ZBTB7C: variants seen among roughly 807,000 people sequenced by gnomAD.
ZBTB7C encodes zinc finger and BTB domain containing 7C, also known as zinc finger and BTB domain-containing protein 7C.
ZBTB7C carries 8 observed loss-of-function variants against 25.7 expected under a neutral mutation model. That is an observed-to-expected ratio of 0.31 (90% confidence interval 0.18 to 0.56). The LOEUF is 0.56. ZBTB7C is among the 20% of genes least tolerant of loss of function. ZBTB7C has a pLI of 0.91. For missense variants in ZBTB7C, 824 were observed against 855.2 expected (o/e 0.96, Z 0.46); for synonymous variants, 394 against 369.0 (o/e 1.07, Z -0.78).
At chr18:48,076,748 T>C (rs370300843) in intron 3 of ZBTB7C, among the ~76,000 whole-genome samples, 70 of 152,304 alleles carry the variant, frequency 4.6e-4, no homozygotes, top group African/African-American at 1.7e-3. Flanking sequence ...ACAGCTATTA[T>C]GAGGGCTCCA....
At chr18:48,105,900 A>C (rs1165695483) in intron 3 of ZBTB7C, among the ~76,000 whole-genome samples, 1 of 152,268 alleles carries the variant, frequency 6.6e-6, no homozygotes, top group East Asian at 1.9e-4. Context: ...CCAAATGCTA[A>C]TTTAAAAAGG....
At chr18:48,270,295 G>T (rs561932501) in intron 2 of ZBTB7C, among the ~76,000 whole-genome samples, 1 of 112,778 alleles carries the variant, frequency 8.9e-6, no homozygotes, top group African/African-American at 3.5e-5. Flanking sequence ...GTCTCGCTCT[G>T]TTGCCAGGCT....
chr18:48,270,808 G>A (rs2044463583), intron 2 of ZBTB7C, among the ~76,000 whole-genome samples: 1 of 151,752 alleles, frequency 6.6e-6, no homozygotes, highest in African/African-American at 2.4e-5. Flanking sequence ...CCAAAGTGCT[G>A]CGATTACTGG....
chr18:48,145,023 G>A (rs2040458126), intron 3 of ZBTB7C, among the ~76,000 whole-genome samples: 1 of 152,102 alleles, frequency 6.6e-6, no homozygotes, highest in Non-Finnish European at 1.5e-5. Context: ...TCTTTGGGGA[G>A]GCCTCTGCTC....
chr18:48,050,150 G>C (rs2036626355), intron 3 of ZBTB7C, among the ~76,000 whole-genome samples: 2 of 152,204 alleles, frequency 1.3e-5, no homozygotes, highest in South Asian at 4.1e-4. Flanking sequence ...TGTAGGCACT[G>C]AAATCCACAA....
At chr18:48,187,251 TGTACATCCACGTTCATCAGC>T (rs1309132004) in intron 2 of ZBTB7C, among the ~76,000 whole-genome samples, 6 of 152,236 alleles carry the variant, frequency 3.9e-5, no homozygotes. Context: ...GGCAGATATC[TGTACATCCACGTTCATCAGC>T]ATTGTTCACA....
intron 2 of ZBTB7C, among the ~76,000 whole-genome samples, chr18:48,189,646 G>A (rs960402876): frequency 5.3e-5 from 8 of 152,074 alleles, no homozygotes; most frequent in African/African-American, 1.4e-4. Flanking sequence ...GGTGCCCCTC[G>A]CCTTGGATAG....
intron 2 of ZBTB7C, among the ~76,000 whole-genome samples, chr18:48,192,806 C>T (rs527790921): frequency 3.3e-5 from 5 of 152,082 alleles, no homozygotes; most frequent in Non-Finnish European, 7.3e-5. Context: ...ATTGTGTCAT[C>T]GATTATAACA....
intron 2 of ZBTB7C, among the ~76,000 whole-genome samples, chr18:48,249,720 T>C (rs935134932): frequency 6.6e-6 from 1 of 152,234 alleles, no homozygotes; most frequent in Non-Finnish European, 1.5e-5. Flanking sequence ...CCTGAAGTAA[T>C]ACTGCACCAA....
At chr18:48,328,286 T>C (rs528075439) in intron 2 of ZBTB7C, among the ~76,000 whole-genome samples, 58 of 152,142 alleles carry the variant, frequency 3.8e-4, no homozygotes, top group African/African-American at 1.3e-3. Context: ...TCCAGATCCA[T>C]GGTAACAGTA....
chr18:48,315,851 A>G (rs528512184), intron 2 of ZBTB7C, among the ~76,000 whole-genome samples: 1 of 152,298 alleles, frequency 6.6e-6, no homozygotes, highest in Admixed American at 6.5e-5. Flanking sequence ...GCATAACTCA[A>G]CTGGAAAGAT....
At chr18:48,409,435 G>GCGCCTCCGCCCTCCCCGCGCCC (rs2048357109), upstream of ZBTB7C, 1 of 145,940 alleles carries the variant, frequency 6.9e-6, no homozygotes, top group East Asian at 2.0e-4. Context: ...TCCCCGCGCC[G>GCGCCTCCGCCCTCCCCGCGCCC]CGCCTCCGCC....
At chr18:48,154,065 A>G (rs1451747556) in intron 3 of ZBTB7C, among the ~76,000 whole-genome samples, 1 of 152,212 alleles carries the variant, frequency 6.6e-6, no homozygotes, top group African/African-American at 2.4e-5. Context: ...AGCTGGATGC[A>G]GAGTCTGAGA....
intron 1 of ZBTB7C, among the ~76,000 whole-genome samples, chr18:48,408,201 A>G (rs2048326319): frequency 6.6e-6 from 1 of 152,216 alleles, no homozygotes; most frequent in Non-Finnish European, 1.5e-5. Flanking sequence ...CAGCCTCCAC[A>G]GCTTTGCAGA....
intron 3 of ZBTB7C, among the ~76,000 whole-genome samples, chr18:48,151,758 C>CT (rs1182983777): frequency 6.6e-6 from 1 of 152,226 alleles, no homozygotes; most frequent in African/African-American, 2.4e-5. Context: ...ACTTCACCCC[C>CT]TGAACTAGGA....
At chr18:48,115,520 G>A (rs951189741) in intron 3 of ZBTB7C, among the ~76,000 whole-genome samples, 1 of 152,168 alleles carries the variant, frequency 6.6e-6, no homozygotes, top group African/African-American at 2.4e-5. Context: ...TTACAGGCGT[G>A]AGCCACCGTG....
intron 2 of ZBTB7C, among the ~76,000 whole-genome samples, chr18:48,237,532 C>T (rs1400154556): frequency 6.6e-6 from 1 of 152,106 alleles, no homozygotes; most frequent in Non-Finnish European, 1.5e-5. Context: ...TACATATACA[C>T]ATCAGAATGG....
At chr18:48,287,926 C>G (rs1016650257) in intron 2 of ZBTB7C, among the ~76,000 whole-genome samples, 1 of 152,182 alleles carries the variant, frequency 6.6e-6, no homozygotes, top group African/African-American at 2.4e-5. Context: ...CTTGATAAGG[C>G]CATCTACTAC....
At chr18:48,398,550 T>C (rs2048082087) in intron 1 of ZBTB7C, among the ~76,000 whole-genome samples, 1 of 152,160 alleles carries the variant, frequency 6.6e-6, no homozygotes, top group African/African-American at 2.4e-5. Flanking sequence ...CAATACGACC[T>C]CTGTGGCTTC....
Sources: gnomAD v4.1 joint callset for allele counts (sites outside exome capture counted in the v4.1 genomes callset) on GRCh38, gnomAD v4.1.1 for gene constraint, MANE v1.5 for transcripts, NCBI Gene and HGNC (gene_info 2026-07-23, HGNC 2026-07-21) for gene names.